Variants in C4orf50 observed in about 807,000 individuals in gnomAD.
C4orf50 encodes uncharacterized protein C4orf50.
C4orf50 carries 80 observed loss-of-function variants against 77.2 expected under a neutral mutation model. That is an observed-to-expected ratio of 1.04 (90% CI 0.87 to 1.25). The LOEUF is 1.25. Among genes scored for constraint, C4orf50 ranks in the 50% most tolerant of loss-of-function variants. C4orf50 has a pLI of 0.00. For missense variants in C4orf50, 1,257 were observed against 1,152.9 expected, an observed-to-expected ratio of 1.09 and a Z score of -1.31; for synonymous variants, 532 against 465.3, an observed-to-expected ratio of 1.14 and a Z score of -1.84.
chr4:5,998,855 A>T (rs1721709809), intron 25 of C4orf50, among the ~76,000 whole-genome samples: 1 of 152,220 alleles, frequency 6.6e-6, no homozygotes, highest in Non-Finnish European at 1.5e-5. Context: ...CCATCTGCAG[A>T]TAAACCACGT....
rs1577996680 is a variant in C4orf50, at chr4:6,007,395, C to T, written c.963+601G>A. 6.6e-6 allele frequency among the ~76,000 whole-genome samples: 1 copy of T among 152,098 alleles called. No homozygotes were observed. The highest frequency in any genetic ancestry group is 2.4e-5 in the African/African-American group (1 of 41,408). On this transcript the variant is annotated intron_variant, in intron 25 of 33. Coordinates refer to ENST00000531445, the Ensembl canonical transcript of C4orf50. The surrounding 1 kb of genome is among the most constrained non-coding windows in gnomAD (Gnocchi z 4.1). The stretch of plus-strand genomic sequence containing the variant: ...CCTTACTAATTAGTACCCCAGAAGG[C>T]TCCCTCTCCCTCCTGCCCTGTGAGG...
rs879795718 is a variant in C4orf50 at position 6,003,916 on chromosome 4, A to ACG, written c.963+4079_963+4080insCG. Among the ~76,000 whole-genome samples, 561 of 121,446 alleles carry ACG rather than the reference A, an allele frequency of 4.6e-3. 11 individuals carry two copies. Among genetic ancestry groups the ACG allele is most frequent in the Non-Finnish European group, 6.8e-3 (420 of 61,600 alleles). 79.7% of individuals were successfully genotyped at this position (121,446 alleles called of 152,430 possible). On this transcript the variant is annotated intron_variant, in intron 25 of 33. Transcript: ENST00000531445. The stretch of plus-strand genomic sequence containing the variant: ...TGATGATGTGATGGTGATGTTGATG[A>ACG]TGGTGGTGATGGTGATGATGGTGAT...
chr4:5,953,216 C>T (rs1414910053), downstream of C4orf50, among the ~76,000 whole-genome samples: 1 of 152,170 alleles, frequency 6.6e-6, no homozygotes, highest in Non-Finnish European at 1.5e-5. Flanking sequence ...GCAAAGCCTC[C>T]CAGCTGAGCC....
chr4:6,008,149 C>A lies in C4orf50; in HGVS notation c.810G>T (p.Gln270His). The change falls in exon 25 of 34, where the codon CAG becomes CAT. Residue 270 changes from glutamine to histidine, a missense_variant. Coordinates refer to ENST00000531445, the Ensembl canonical transcript of C4orf50. The surrounding 1 kb of genome is among the most constrained non-coding windows in gnomAD (Gnocchi z 6.0). Reference sequence around the variant, plus strand: ...GCAGCTCCTCCAGCTGCCCGCGGAGCTGGCGCTCGGTGGCCCGGTGCTCCT... The same window carrying A: ...GCAGCTCCTCCAGCTGCCCGCGGAGATGGCGCTCGGTGGCCCGGTGCTCCT... The A allele has an allele frequency of 2.5e-6, 1 of 398,936 alleles. No individual in the cohort carries two copies. The highest frequency in any genetic ancestry group is 4.4e-6 in the Non-Finnish European group (1 of 226,020). The allele number at this position is 398,936 out of a possible 1,614,324, so 24.7% of individuals were successfully genotyped here.
intron 32 of C4orf50, 144 bp downstream of exon 10, chr4:5,967,270 C>T (rs1022683290): frequency 2.9e-6 from 2 of 688,508 alleles, no homozygotes; most frequent in Non-Finnish European, 5.3e-6. Context: ...CATAGGAAAG[C>T]GGGAGGGAGA....
At chr4:5,980,818 T>C (rs1317441936) in intron 28 of C4orf50, among the ~76,000 whole-genome samples, 1 of 152,224 alleles carries the variant, frequency 6.6e-6, no homozygotes, top group Non-Finnish European at 1.5e-5. Flanking sequence ...TAAAGCATAA[T>C]ATATTTATAT....
chr4:5,990,657 G>A (rs550281507), exon 28 of C4orf50: 51 of 399,196 alleles, frequency 1.3e-4, no homozygotes, highest in African/African-American at 8.0e-4. Flanking sequence ...GAGGGAGTGC[G>A]GATGTCTGCA....
In C4orf50 at chr4:6,017,865, C is replaced by A. The variant is rs1208768646; in HGVS notation, c.287+280G>T. On this transcript the variant is annotated intron_variant, in intron 23 of 33. Coordinates refer to ENST00000531445, the Ensembl canonical transcript of C4orf50. This position sits in a 1 kb window ranked among gnomAD's most constrained non-coding sequence, Gnocchi z 4.7. ...CCCAGAGAAGAAGAGAGGGAGAACA[C>A]CTGGCTTCTCCCTGCCTCCCTCCGT... Among the ~76,000 whole-genome samples the A allele has an allele frequency of 6.6e-6, 1 of 152,190 alleles. No homozygotes were observed. The highest frequency in any genetic ancestry group is 1.5e-5 in the Non-Finnish European group (1 of 68,042).
intron 25 of C4orf50, among the ~76,000 whole-genome samples, chr4:5,994,787 T>C (rs993322261): frequency 2.5e-5 from 3 of 120,430 alleles, no homozygotes; most frequent in Admixed American, 1.5e-4. Flanking sequence ...AGCAGGGTCA[T>C]GGACCAGACT....
At chr4:5,979,952 A>AATATGTG (rs1720481895) in intron 29 of C4orf50, among the ~76,000 whole-genome samples, 1 of 151,992 alleles carries the variant, frequency 6.6e-6, no homozygotes, top group African/African-American at 2.4e-5. Flanking sequence ...TTTTAAAGAA[A>AATATGTG]CCACATATGT....
chr4:5,973,574 G>T, intron 31 of C4orf50, 85 bp downstream of exon 9: 1 of 1,157,412 alleles, frequency 8.6e-7, no homozygotes, highest in East Asian at 2.4e-5. Context: ...GGAAAGGAGG[G>T]GCTGCTCCAG....
At chr4:6,001,523 C>T (rs1191172852) in intron 25 of C4orf50, among the ~76,000 whole-genome samples, 1 of 152,194 alleles carries the variant, frequency 6.6e-6, no homozygotes, top group Non-Finnish European at 1.5e-5. Context: ...TAGAAATCCA[C>T]AGGGGAGATG....
chr4:5,946,887 T>G (rs1718504622), intron 7 of C4orf50, among the ~76,000 whole-genome samples: 1 of 152,242 alleles, frequency 6.6e-6, no homozygotes, highest in African/African-American at 2.4e-5. Flanking sequence ...AGAATTAAAT[T>G]TATGTTCAAG....
intron 27 of C4orf50, 75 bp from the exon 6 acceptor site, chr4:5,990,899 C>A: frequency 2.5e-6 from 1 of 398,510 alleles, no homozygotes; most frequent in Non-Finnish European, 4.4e-6. Context: ...CACTCACCTC[C>A]TGGGGTTCTC....
At chr4:6,010,179 G>A (rs1359480910) in intron 24 of C4orf50, among the ~76,000 whole-genome samples, 1 of 152,032 alleles carries the variant, frequency 6.6e-6, no homozygotes, top group African/African-American at 2.4e-5. Flanking sequence ...ATTTTCCACG[G>A]AGACATCACA....
chr4:5,916,257 C>A lies in C4orf50; in HGVS notation c.*2475-18069G>T, dbSNP rs375631084. 7.1e-4 allele frequency among the ~76,000 whole-genome samples: 108 copies of A among 152,296 alleles called. 1 individual carries two copies. The highest frequency in any genetic ancestry group is 2.5e-3 in the African/African-American group (106 of 41,570). ...TCCTGGTTACTCTGGGGGGCCCATGCACAGAGAATCATAGTTTCAGAATGA... is the reference window on the plus strand; with the variant it reads ...TCCTGGTTACTCTGGGGGGCCCATGAACAGAGAATCATAGTTTCAGAATGA... On this transcript the variant is annotated intron_variant, in intron 7 of 7. Transcript: ENST00000324058. This position sits in a 1 kb window ranked among gnomAD's most constrained non-coding sequence, Gnocchi z 4.4.
At chr4:5,962,672 C>G (rs1719336340) in intron 33 of C4orf50, among the ~76,000 whole-genome samples, 1 of 152,242 alleles carries the variant, frequency 6.6e-6, no homozygotes, top group African/African-American at 2.4e-5. Flanking sequence ...CCCAGCTCTG[C>G]CGCTTATGAG....
downstream of C4orf50, among the ~76,000 whole-genome samples, chr4:5,954,438 A>C (rs1718861618): frequency 6.6e-6 from 1 of 152,076 alleles, no homozygotes; most frequent in Non-Finnish European, 1.5e-5. This position sits in a 1 kb window ranked among gnomAD's most constrained non-coding sequence, Gnocchi z 4.7. Context: ...GGAGGGCCCC[A>C]GGGAGCAATG....
At chr4:5,909,448 C>T (rs1309434606) in intron 7 of C4orf50, among the ~76,000 whole-genome samples, 1 of 152,232 alleles carries the variant, frequency 6.6e-6, no homozygotes, top group African/African-American at 2.4e-5. Flanking sequence ...TATTTTCTCT[C>T]ATTCTATAGA....
Sources: gnomAD v4.1 joint callset for allele counts (sites outside exome capture counted in the v4.1 genomes callset) on GRCh38, gnomAD v4.1.1 for gene constraint, Gnocchi (gnomAD v3.1) non-coding constraint, MANE v1.5 for transcripts, NCBI Gene and HGNC (gene_info 2026-07-23, HGNC 2026-07-21) for gene names.